Variants in FOXP1 observed in about 807,000 individuals in gnomAD.
FOXP1 encodes the protein forkhead box protein P1.
In FOXP1, 15 loss-of-function variants were observed where a neutral mutation model predicts 98.2. The observed-to-expected ratio is 0.15, with a 90% CI of 0.10 to 0.24. FOXP1 has a LOEUF of 0.24. Among genes scored for constraint, FOXP1 ranks in the 10% least tolerant of loss-of-function variants. The pLI is 1.00. For missense variants in FOXP1, 633 were observed against 848.5 expected (o/e 0.75, Z 3.15); for synonymous variants, 371 against 314.5 (o/e 1.18, Z -1.90).
chr3:70,992,876 A>C (rs567358379), intron 13 of FOXP1, among the ~76,000 whole-genome samples: 5 of 152,100 alleles, frequency 3.3e-5, no homozygotes, highest in Non-Finnish European at 7.4e-5. Flanking sequence ...TCCAGTTACA[A>C]AGCACTGGCA....
intron 4 of FOXP1, chr3:71,332,909 A>C (rs1483478717): frequency 6.6e-6 from 1 of 152,256 alleles, no homozygotes; most frequent in Non-Finnish European, 1.5e-5. Context: ...GAACCCCAGT[A>C]TTGCCAATAA....
chr3:71,277,479 C>T (rs1009680202), intron 5 of FOXP1, among the ~76,000 whole-genome samples: 1 of 152,074 alleles, frequency 6.6e-6, no homozygotes, highest in African/African-American at 2.4e-5. Context: ...GTTTTAAAGA[C>T]TTCCTGTTCC....
intron 3 of FOXP1, among the ~76,000 whole-genome samples, chr3:71,401,439 A>C (rs961264500): frequency 6.6e-6 from 1 of 152,072 alleles, no homozygotes; most frequent in African/African-American, 2.4e-5. Context: ...TTGTCCCCAG[A>C]AGCTGTCAGG....
intron 5 of FOXP1, 57 bp from the exon 6 acceptor site, chr3:71,198,449 T>C: frequency 1.5e-6 from 2 of 1,373,470 alleles, no homozygotes. Flanking sequence ...AAAAAGCAGC[T>C]GTTAAAGCAG....
intron 1 of FOXP1, 91 bp downstream of exon 1, chr3:71,583,480 T>C: frequency 1.0e-6 from 1 of 965,180 alleles, no homozygotes; most frequent in Non-Finnish European, 1.2e-6. Context: ...TTTTTTTTTG[T>C]GCTGGTTGTT....
chr3:70,978,042 AAAC>A lies in FOXP1; in HGVS notation c.1147-16_1147-14del, dbSNP rs767636019. The A allele has an allele frequency of 1.7e-5, 28 of 1,612,902 alleles. 1 individual carries two copies. The highest frequency in any genetic ancestry group is 1.7e-4 in the Middle Eastern group (1 of 6,058). ...ATACCAGATTCAACTGCAAGGAAAA[AAAC>A]AACGTCTTAGAAGACCTTCAGAAAA... On this transcript the variant is annotated splice_polypyrimidine_tract_variant and intron_variant, in intron 14 of 20. Coordinates refer to ENST00000649528, the MANE Select transcript of FOXP1 (RefSeq NM_001349338.3).
chr3:71,181,526 C>T (rs530136483), intron 6 of FOXP1, among the ~76,000 whole-genome samples: 13 of 152,088 alleles, frequency 8.5e-5, no homozygotes, highest in African/African-American at 3.1e-4. Context: ...GGGTTTTCAA[C>T]TCTCATCAGT....
chr3:70,987,302 C>A (rs1208854097), intron 14 of FOXP1, among the ~76,000 whole-genome samples: 1 of 152,208 alleles, frequency 6.6e-6, no homozygotes, highest in Non-Finnish European at 1.5e-5. Flanking sequence ...CAGACACGAT[C>A]CTTCTGCTTC....
At chr3:71,394,791 T>C (rs2081261631) in intron 3 of FOXP1, among the ~76,000 whole-genome samples, 1 of 152,122 alleles carries the variant, frequency 6.6e-6, no homozygotes, top group Non-Finnish European at 1.5e-5. Flanking sequence ...TTCACTATTA[T>C]GGCTCTTAAC....
intron 5 of FOXP1, among the ~76,000 whole-genome samples, chr3:71,277,400 T>C (rs2107360006): frequency 6.6e-6 from 1 of 152,314 alleles, no homozygotes; most frequent in Admixed American, 6.5e-5. Flanking sequence ...CATTCTTTTT[T>C]AGTGCTGAAT....
chr3:71,392,166 A>AT (rs1431080580), intron 3 of FOXP1, among the ~76,000 whole-genome samples: 1 of 152,216 alleles, frequency 6.6e-6, no homozygotes, highest in Non-Finnish European at 1.5e-5. Context: ...GTAGAAAATA[A>AT]TAGTCCTTTA....
chr3:71,353,694 T>TA (rs2107857539), intron 4 of FOXP1, among the ~76,000 whole-genome samples: 1 of 152,298 alleles, frequency 6.6e-6, no homozygotes, highest in East Asian at 1.9e-4. Context: ...GTCGTGTAAA[T>TA]AAGAGTATAT....
intron 2 of FOXP1, among the ~76,000 whole-genome samples, chr3:71,501,740 C>G (rs2041380154): frequency 6.6e-6 from 1 of 152,180 alleles, no homozygotes. Context: ...ATGCCACTAA[C>G]CACCTTGAAT....
chr3:71,010,692 AAAGAAAGGGACAACTG>A (rs1264259572), intron 12 of FOXP1, among the ~76,000 whole-genome samples: 14 of 152,298 alleles, frequency 9.2e-5, no homozygotes, highest in African/African-American at 3.1e-4. Context: ...CCCTTCTAAA[AAAGAAAGGGACAACTG>A]AAGAGAAGCG....
chr3:70,999,101 T>A (rs926078416), intron 13 of FOXP1, among the ~76,000 whole-genome samples: 1 of 152,194 alleles, frequency 6.6e-6, no homozygotes, highest in Non-Finnish European at 1.5e-5. Context: ...TCTTTCTCTT[T>A]TTTTTTGAGA....
intron 3 of FOXP1, among the ~76,000 whole-genome samples, chr3:71,386,867 T>C (rs1215672704): frequency 6.6e-6 from 1 of 152,140 alleles, no homozygotes; most frequent in Admixed American, 6.5e-5. Context: ...CATTAGTATT[T>C]AATATTAATA....
At chr3:71,211,529 A>T (rs1319937518) in intron 5 of FOXP1, among the ~76,000 whole-genome samples, 1 of 152,172 alleles carries the variant, frequency 6.6e-6, no homozygotes, top group Non-Finnish European at 1.5e-5. Flanking sequence ...ACTTCTATGT[A>T]CCCAGTTTAC....
chr3:71,207,153 G>A (rs1049091899), intron 5 of FOXP1, among the ~76,000 whole-genome samples: 3 of 151,954 alleles, frequency 2.0e-5, no homozygotes, highest in South Asian at 2.1e-4. Flanking sequence ...AACTAACAAA[G>A]CCCACGGAAC....
intron 20 of FOXP1, among the ~76,000 whole-genome samples, chr3:70,963,105 T>G (rs1457671994): frequency 1.3e-5 from 2 of 152,186 alleles, no homozygotes; most frequent in African/African-American, 4.8e-5. Flanking sequence ...TCCCCCTAAA[T>G]TGGTAGCCAA....
Sources: allele counts gnomAD v4.1 joint callset (sites outside exome capture counted in the v4.1 genomes callset), GRCh38; gene constraint gnomAD v4.1.1; transcripts MANE v1.5; gene names NCBI Gene and HGNC (gene_info 2026-07-23, HGNC 2026-07-21).